The following CLIP4 variants were observed in gnomAD, a reference collection of about 807,000 sequenced individuals.
The protein encoded by CLIP4 is CAP-Gly domain containing linker protein family member 4.
CLIP4 carries 47 observed loss-of-function variants against 73.1 expected under a neutral mutation model. The ratio of observed to expected loss-of-function variants is 0.64; its 90% CI spans 0.51 to 0.82. The LOEUF is 0.82. Among genes scored for constraint, CLIP4 ranks in the 40% least tolerant of loss-of-function variants. CLIP4 has a pLI of 0.00. For synonymous variants in CLIP4, 306 were observed against 295.4 expected, an observed-to-expected ratio of 1.04 and a Z score of -0.37; for missense variants, 874 against 852.9, an observed-to-expected ratio of 1.02 and a Z score of -0.31.
chr2:29,106,260 G>A (rs1275403762), intron 1 of CLIP4, among the ~76,000 whole-genome samples: 2 of 152,186 alleles, frequency 1.3e-5, no homozygotes, highest in East Asian at 1.9e-4. Flanking sequence ...ACATCGCATA[G>A]TTTAAGTACT....
At chr2:29,151,441 T>G (rs1461148098) in intron 8 of CLIP4, among the ~76,000 whole-genome samples, 1 of 151,822 alleles carries the variant, frequency 6.6e-6, no homozygotes, top group Non-Finnish European at 1.5e-5. Flanking sequence ...GTGTGTGTGT[T>G]AGGGAAGGAA....
intron 6 of CLIP4, among the ~76,000 whole-genome samples, chr2:29,138,928 C>T (rs116744317): frequency 2.0e-5 from 3 of 151,968 alleles, no homozygotes; most frequent in African/African-American, 7.2e-5. Context: ...TTCTACATAT[C>T]GAACCATATT....
At chr2:29,112,003 G>C (rs115508003), upstream of CLIP4, among the ~76,000 whole-genome samples, 3,561 of 152,144 alleles carry the variant, frequency 0.023, 117 homozygotes, top group East Asian at 0.092. Flanking sequence ...CCAGTTTCCC[G>C]AATGCCGTCT....
chr2:29,174,220 G>A (rs1026399219), intron 14 of CLIP4, among the ~76,000 whole-genome samples, 153 bp from the exon 15 acceptor site: 2 of 151,932 alleles, frequency 1.3e-5, no homozygotes, highest in African/African-American at 4.8e-5. Flanking sequence ...CCAAAGTGCT[G>A]GGATTACAGG....
intron 8 of CLIP4, among the ~76,000 whole-genome samples, chr2:29,149,599 C>T (rs373337574): frequency 2.0e-5 from 3 of 151,294 alleles, no homozygotes; most frequent in African/African-American, 4.8e-5. Flanking sequence ...AGTTACATGT[C>T]GAGATTTGAG....
chr2:29,174,096 T>TTAA (rs1558584935), intron 14 of CLIP4, among the ~76,000 whole-genome samples: 16 of 152,114 alleles, frequency 1.1e-4, no homozygotes, highest in Non-Finnish European at 2.4e-4. Context: ...CGTTATATTC[T>TTAA]GTATACTTAC....
upstream of CLIP4, among the ~76,000 whole-genome samples, chr2:29,110,525 A>C (rs1668358812): frequency 6.6e-6 from 1 of 152,210 alleles, no homozygotes; most frequent in African/African-American, 2.4e-5. Context: ...CCATTTACTG[A>C]CATAGGGAAG....
chr2:29,120,846 T>G (rs1222840043), intron 1 of CLIP4, among the ~76,000 whole-genome samples: 1 of 152,172 alleles, frequency 6.6e-6, no homozygotes, highest in African/African-American at 2.4e-5. Context: ...CCTTGTTAAG[T>G]TGAACAATCT....
chr2:29,165,016 A>T (rs929684523), intron 13 of CLIP4, among the ~76,000 whole-genome samples: 1 of 152,198 alleles, frequency 6.6e-6, no homozygotes, highest in Non-Finnish European at 1.5e-5. Context: ...GCATTTAGTG[A>T]GTGGGTGGGC....
Position 29,117,240 on chromosome 2 carries a change from C to T in CLIP4, c.-16+1575C>T, listed in dbSNP as rs569173447. Among the ~76,000 whole-genome samples the T allele has an allele frequency of 6.6e-5, 10 of 152,310 alleles. No individual in the cohort carries two copies. In the East Asian group the frequency reaches 1.7e-3, roughly 26 times the overall value. On this transcript the variant is annotated intron_variant, in intron 1 of 15. Transcript: ENST00000320081. ...GCATTACCCAATATGGTAGCACTAG[C>T]CACATATAGCTTTTGACCACTTGAA...
At chr2:29,176,902 C>G (rs1486181359) in intron 15 of CLIP4, among the ~76,000 whole-genome samples, 3 of 152,192 alleles carry the variant, frequency 2.0e-5, no homozygotes, top group African/African-American at 7.2e-5. Context: ...GGCCACAGGT[C>G]TGTCCTCTCA....
rs1376082294 is a variant in CLIP4 at position 29,115,429 on chromosome 2, C to T, written c.-252C>T. The T allele has an allele frequency of 1.3e-5, 2 of 150,480 alleles. No individual in the cohort carries two copies. Among genetic ancestry groups the T allele is most frequent in the African/African-American group, 4.9e-5 (2 of 41,200 alleles). 9.3% of individuals were successfully genotyped at this position (150,480 alleles called of 1,614,324 possible). On this transcript the variant is annotated 5_prime_UTR_variant, in exon 1 of 16. Transcript: ENST00000320081. The surrounding 1 kb of genome is among the most constrained non-coding windows in gnomAD (Gnocchi z 5.1). The stretch of plus-strand genomic sequence containing the variant: ...CTGCCTCCTCCGTCCCCACCGAGTC[C>T]CCAGCGCGTGCGCGGGGCCGTGGCC...
chr2:29,143,531 T>A (rs1665928561), intron 6 of CLIP4, among the ~76,000 whole-genome samples, 178 bp from the exon 7 acceptor site: 1 of 152,236 alleles, frequency 6.6e-6, no homozygotes, highest in African/African-American at 2.4e-5. Flanking sequence ...TGTGTTTTTT[T>A]CACTGTAGGA....
chr2:29,099,001 A>G (rs1341540208), intron 1 of CLIP4, among the ~76,000 whole-genome samples: 2 of 152,212 alleles, frequency 1.3e-5, no homozygotes, highest in African/African-American at 4.8e-5. Context: ...TGCTATTTGT[A>G]TATCTTCTTT....
intron 8 of CLIP4, among the ~76,000 whole-genome samples, chr2:29,150,643 C>CTTTTT (rs34553625): frequency 1.5e-4 from 12 of 80,258 alleles, no homozygotes; most frequent in African/African-American, 2.6e-4. Context: ...TTGATTTGCT[C>CTTTTT]TTTTTTTTTT....
chr2:29,133,026 A>C (rs1665087517), intron 4 of CLIP4, among the ~76,000 whole-genome samples: 1 of 152,132 alleles, frequency 6.6e-6, no homozygotes, highest in Non-Finnish European at 1.5e-5. Context: ...TGTCTCTACA[A>C]AAAATTAAAA....
chr2:29,181,835 C>G lies in CLIP4; in HGVS notation c.2060C>G (p.Pro687Arg). Reference protein sequence around the residue: ...CKPNHGVLVRPSRVTYRGING... With the variant: ...CKPNHGVLVRRSRVTYRGING... ...CCGAACCATGGAGTCTTAGTTCGAC[C>G]GAGCAGAGTGACCTATCGGGGAATT... The change falls in exon 16 of 16, where the codon CCG becomes CGG. Residue 687 changes from proline (P) to arginine (R), a missense_variant. Coordinates refer to ENST00000320081, the MANE Select transcript of CLIP4 (RefSeq NM_024692.6). 1.2e-6 allele frequency: 2 copies of G among 1,613,972 alleles called. No individual in the cohort carries two copies. Among genetic ancestry groups the G allele is most frequent in the Non-Finnish European group, 1.7e-6 (2 of 1,179,926 alleles).
chr2:29,108,544 A>T (rs1295594339), intron 1 of CLIP4, among the ~76,000 whole-genome samples: 3 of 152,250 alleles, frequency 2.0e-5, no homozygotes, highest in Admixed American at 2.0e-4. Flanking sequence ...ACTGTGGTGG[A>T]TGGCAGCTAA....
chr2:29,166,162 T>A lies in CLIP4; in HGVS notation c.1659-1314T>A, dbSNP rs145592250. Among the ~76,000 whole-genome samples the A allele has an allele frequency of 1.9e-3, 291 of 152,234 alleles. 10 individuals carry two copies. Among genetic ancestry groups the A allele is most frequent in the Admixed American group, 0.015 (226 of 15,288 alleles). ...GTCCCTGATTTTGAGGCGTTTCTAA[T>A]CTGAACCAGCTTTGGAACTCTTGAA... On this transcript the variant is annotated intron_variant, in intron 13 of 15. Transcript: ENST00000320081.
Sources: gnomAD v4.1 joint callset for allele counts (sites outside exome capture counted in the v4.1 genomes callset) on GRCh38, gnomAD v4.1.1 for gene constraint, Gnocchi (gnomAD v3.1) non-coding constraint, MANE v1.5 for transcripts, NCBI Gene and HGNC (gene_info 2026-07-23, HGNC 2026-07-21) for gene names.